Variants in SYNPR observed in about 807,000 individuals in gnomAD.
SYNPR encodes synaptoporin.
SYNPR carries 23 observed loss-of-function variants against 32.9 expected under a neutral mutation model. The observed-to-expected ratio is 0.70, with a 90% CI of 0.50 to 0.99. The LOEUF (loss-of-function observed/expected upper bound fraction) is 0.99, where lower values mean the gene tolerates loss of function less well. SYNPR is among the 50% of genes least tolerant of loss of function. The pLI is 0.00. For synonymous variants in SYNPR, 146 were observed against 135.9 expected (o/e 1.07, Z -0.52); for missense variants, 318 against 349.3 (o/e 0.91, Z 0.71).
chr3:63,528,739 C>A (rs1209799733), intron 3 of SYNPR, among the ~76,000 whole-genome samples: 3 of 152,092 alleles, frequency 2.0e-5, no homozygotes, highest in Non-Finnish European at 4.4e-5. Flanking sequence ...AAGCACCACT[C>A]AGCACTGATG....
chr3:63,235,041 C>T (rs1280304084), intron 1 of SYNPR, among the ~76,000 whole-genome samples: 1 of 152,140 alleles, frequency 6.6e-6, no homozygotes, highest in Non-Finnish European at 1.5e-5. Flanking sequence ...ATATTGATAC[C>T]ATCTACTTAT....
At chr3:63,439,650 T>C (rs1700135120) in intron 2 of SYNPR, among the ~76,000 whole-genome samples, 1 of 152,218 alleles carries the variant, frequency 6.6e-6, no homozygotes, top group Admixed American at 6.5e-5. Context: ...AAAGGAGCTT[T>C]CCACCATCTT....
chr3:63,331,613 T>G (rs1435511838), intron 2 of SYNPR, among the ~76,000 whole-genome samples: 1 of 152,134 alleles, frequency 6.6e-6, no homozygotes, highest in African/African-American at 2.4e-5. Context: ...AGAAGGGGCT[T>G]GGGCTTAAAT....
chr3:63,387,802 A>G (rs6445342), intron 2 of SYNPR, among the ~76,000 whole-genome samples: 98,970 of 152,070 alleles, frequency 0.65, 32,516 homozygotes, highest in Middle Eastern at 0.74. Context: ...AGCAGCCTTG[A>G]AGTGCGGGAG....
intron 5 of SYNPR, among the ~76,000 whole-genome samples, chr3:63,613,522 A>T (rs1016529959): frequency 1.4e-5 from 2 of 144,292 alleles, no homozygotes; most frequent in Non-Finnish European, 3.0e-5. Context: ...CTTTAATTAG[A>T]TCAGTTGGGG....
At chr3:63,573,080 A>G (rs1702917031) in intron 4 of SYNPR, among the ~76,000 whole-genome samples, 1 of 152,152 alleles carries the variant, frequency 6.6e-6, no homozygotes, top group Non-Finnish European at 1.5e-5. Context: ...AATTAGGGGG[A>G]CAACGGATCC....
chr3:63,416,465 G>T (rs2088540857), intron 2 of SYNPR, among the ~76,000 whole-genome samples: 1 of 150,600 alleles, frequency 6.6e-6, no homozygotes, highest in Non-Finnish European at 1.5e-5. Context: ...CCGGGACGTG[G>T]AGGTTTCAGT....
intron 1 of SYNPR, among the ~76,000 whole-genome samples, chr3:63,230,190 T>A (rs1036308738): frequency 9.9e-5 from 15 of 152,208 alleles, no homozygotes; most frequent in Non-Finnish European, 1.8e-4. Context: ...TAGGTTTTGA[T>A]GTCCCAGAAA....
chr3:63,241,853 A>G (rs1428330639), intron 1 of SYNPR, among the ~76,000 whole-genome samples: 1 of 152,082 alleles, frequency 6.6e-6, no homozygotes, highest in Non-Finnish European at 1.5e-5. Flanking sequence ...CAAGAGAATC[A>G]ATAATCTGAT....
chr3:63,436,317 T>A (rs912867159), intron 2 of SYNPR, among the ~76,000 whole-genome samples: 2 of 150,856 alleles, frequency 1.3e-5, no homozygotes, highest in Non-Finnish European at 3.0e-5. Flanking sequence ...TATCTCCTAA[T>A]GCTATCCCTT....
At position 63,323,678 on chromosome 3, in the gene SYNPR, G is replaced by T. The variant is rs114777065; in HGVS notation, c.84+44936G>T. ...ACAAATAAAAGAGTAAGGTTTATAGGGTGGTTCTAGAATAGACAAAGAAAA... is the reference window on the plus strand; with the variant it reads ...ACAAATAAAAGAGTAAGGTTTATAGTGTGGTTCTAGAATAGACAAAGAAAA... On this transcript the variant is annotated intron_variant, in intron 2 of 5. Transcript: ENST00000478300. Among the ~76,000 whole-genome samples the T allele has an allele frequency of 6.1e-3, 921 of 151,750 alleles. 13 individuals carry two copies. Among genetic ancestry groups the T allele is most frequent in the African/African-American group, 0.02 (825 of 41,412 alleles).
intron 2 of SYNPR, among the ~76,000 whole-genome samples, chr3:63,346,782 C>T (rs1006913095): frequency 6.6e-6 from 1 of 152,218 alleles, no homozygotes; most frequent in African/African-American, 2.4e-5. Context: ...ATTTATTTGC[C>T]TCTCTTTTTA....
intron 3 of SYNPR, among the ~76,000 whole-genome samples, chr3:63,498,695 CCACAGTGCGTAAGT>C (rs1364278280): frequency 2.1e-4 from 32 of 152,082 alleles, no homozygotes; most frequent in African/African-American, 7.7e-4. Context: ...TGTGGCGAGA[CCACAGTGCGTAAGT>C]GCAGAGTGTG....
At chr3:63,463,984 T>A (rs1169707463) in intron 2 of SYNPR, among the ~76,000 whole-genome samples, 2 of 152,338 alleles carry the variant, frequency 1.3e-5, no homozygotes, top group East Asian at 1.9e-4. Flanking sequence ...TTAGTTCTAC[T>A]TTTGTCTCTT....
intron 4 of SYNPR, among the ~76,000 whole-genome samples, chr3:63,574,764 T>A (rs1559540669): frequency 6.6e-6 from 1 of 152,144 alleles, no homozygotes. Flanking sequence ...TAGTGTTGAA[T>A]GAATTAATGA....
upstream of SYNPR, among the ~76,000 whole-genome samples, chr3:63,225,722 T>A (rs2086123633): frequency 6.6e-6 from 1 of 152,118 alleles, no homozygotes; most frequent in Non-Finnish European, 1.5e-5. Flanking sequence ...GAGAAAACAA[T>A]TCCTATTGGA....
chr3:63,321,293 GA>G (rs1434589598), intron 2 of SYNPR, among the ~76,000 whole-genome samples: 1 of 151,978 alleles, frequency 6.6e-6, no homozygotes, highest in Non-Finnish European at 1.5e-5. Flanking sequence ...CTTAGTATAA[GA>G]GTAAACATTT....
intron 2 of SYNPR, among the ~76,000 whole-genome samples, chr3:63,339,255 A>G (rs965524991): frequency 3.9e-5 from 6 of 152,236 alleles, no homozygotes; most frequent in African/African-American, 1.2e-4. Context: ...GTAGTAAACA[A>G]AGAGAGGCAA....
intron 2 of SYNPR, among the ~76,000 whole-genome samples, chr3:63,372,019 G>A (rs34463005): frequency 0.13 from 19,254 of 151,954 alleles, 1,994 homozygotes; most frequent in East Asian, 0.56. Context: ...CTGAGCCCCC[G>A]GCTTGGGACC....
Sources: gnomAD v4.1 joint callset for allele counts (sites outside exome capture counted in the v4.1 genomes callset) on GRCh38, gnomAD v4.1.1 for gene constraint, MANE v1.5 for transcripts, NCBI Gene and HGNC (gene_info 2026-07-23, HGNC 2026-07-21) for gene names.